Variants in PLEKHD1 observed in about 807,000 individuals in gnomAD.
The protein encoded by PLEKHD1 is pleckstrin homology domain-containing family D member 1.
Under a neutral mutation model 69.2 loss-of-function variants are expected in PLEKHD1, and 51 were observed. The observed-to-expected ratio is 0.74, with a 90% CI of 0.59 to 0.93. PLEKHD1 has a LOEUF of 0.93. Among genes scored for constraint, PLEKHD1 ranks in the 40% least tolerant of loss-of-function variants. The probability of loss-of-function intolerance (pLI) is 0.00; values close to 1 mark genes in which losing one functional copy is unlikely to be tolerated. For synonymous variants in PLEKHD1, 236 were observed against 244.7 expected (o/e 0.96, Z 0.33); for missense variants, 584 against 641.0 (o/e 0.91, Z 0.96).
chr14:69,527,740 G>A (rs1204472429), intron 11 of PLEKHD1, 43 bp from the exon 12 acceptor site: 8 of 1,546,882 alleles, frequency 5.2e-6, no homozygotes, highest in South Asian at 2.4e-5. Context: ...CTGGGGGTAA[G>A]GATGCAGTCG....
At position 69,500,921 on chromosome 14, in the gene PLEKHD1, G is replaced by C. The variant is rs1883011074; in HGVS notation, c.384G>C (p.Leu128=). The change falls in exon 4 of 13, where the codon CTG becomes CTC. Residue 128 remains leucine, a synonymous_variant. Coordinates refer to ENST00000322564, the MANE Select transcript of PLEKHD1 (RefSeq NM_001161498.2). ...CGGAGTTTGAGCAGACCCAGTGGCT[G>C]GAGATGCTGCAGGAGTCTGGGAAGG... ...AESEFEQTQW[L]EMLQESGKVT... 2 of 1,551,498 alleles carry C rather than the reference G, an allele frequency of 1.3e-6. No individual in the cohort carries two copies. The highest frequency in any genetic ancestry group is 2.0e-5 in the Admixed American group (1 of 50,992).
upstream of PLEKHD1, among the ~76,000 whole-genome samples, chr14:69,480,657 T>TTTTTTA (rs1555411470): frequency 6.6e-6 from 1 of 151,674 alleles, no homozygotes; most frequent in Admixed American, 6.6e-5. Context: ...TAAGATTTTT[T>TTTTTTA]TTTTTCTTTT....
intron 6 of PLEKHD1, chr14:69,503,087 G>C: frequency 1.7e-6 from 1 of 580,466 alleles, no homozygotes; most frequent in Non-Finnish European, 3.1e-6. Flanking sequence ...ACCAACCCCT[G>C]GGAGTAAAGT....
chr14:69,487,025 T>A (rs1455332921), intron 1 of PLEKHD1, among the ~76,000 whole-genome samples: 11 of 152,116 alleles, frequency 7.2e-5, no homozygotes. Context: ...AAAAGTCAAG[T>A]CCTTTAGCCT....
chr14:69,496,394 G>A (rs1268841041), intron 1 of PLEKHD1, among the ~76,000 whole-genome samples: 1 of 152,232 alleles, frequency 6.6e-6, no homozygotes, highest in African/African-American at 2.4e-5. Flanking sequence ...CAGTTCTGCA[G>A]GCTGAGAGTC....
chr14:69,500,591 G>C lies in PLEKHD1; in HGVS notation c.258G>C (p.Leu86=), dbSNP rs958976107. The stretch of plus-strand genomic sequence containing the variant: ...TTCTTCCTCAGGGCGTCATCCCTCT[G>C]GGGGGCTGCCTGGTGGAGCCCAAGG... ...FNIHPKGVIP[L]GGCLVEPKEE... is the part of the protein sequence containing the mutation. The change falls in exon 3 of 13, where the codon CTG becomes CTC. Residue 86 remains leucine, a synonymous_variant. Transcript: ENST00000322564. The C allele has an allele frequency of 6.5e-7, 1 of 1,550,122 alleles. No homozygotes were observed.
At chr14:69,468,544 C>CCTTT in the PLEKHD1 span, among the ~76,000 whole-genome samples, 123 of 150,168 alleles carry the variant, frequency 8.2e-4, 1 homozygote, top group Middle Eastern at 6.9e-3. Context: ...TTCCTTCCTT[C>CCTTT]CTTTCTTTCT....
Position 69,502,840 on chromosome 14 carries a change from A to G in PLEKHD1, c.516A>G (p.Glu172=). 1 of 1,551,654 alleles carries G rather than the reference A, an allele frequency of 6.4e-7. No homozygotes were observed. Among genetic ancestry groups the G allele is most frequent in the Non-Finnish European group, 8.7e-7 (1 of 1,146,958 alleles). The change falls in exon 6 of 13, where the codon GAA becomes GAG. Residue 172 remains glutamate (E), a synonymous_variant. Coordinates refer to ENST00000322564, the MANE Select transcript of PLEKHD1 (RefSeq NM_001161498.2). ...TTGTTTTGGCAGACAAACTGATGGA[A>G]GAGACCGAAGAACTCTGCCTTCAGA... ...EKQEYLDKLM[E]ETEELCLQRE...
At chr14:69,501,878 T>A in intron 5 of PLEKHD1, 53 bp downstream of exon 5, 1 of 1,437,920 alleles carries the variant, frequency 7.0e-7, no homozygotes, top group Non-Finnish European at 9.5e-7. Context: ...GACCAGGGGC[T>A]ATAGCCAGGG....
chr14:69,497,871 C>T (rs1007145801), intron 1 of PLEKHD1, among the ~76,000 whole-genome samples: 3 of 151,852 alleles, frequency 2.0e-5, no homozygotes, highest in South Asian at 2.1e-4. Flanking sequence ...GTTATGTGGC[C>T]GGTCAGAGAG....
At position 69,530,497 on chromosome 14, in the gene PLEKHD1, T is replaced by G. The variant is rs1314857435; in HGVS notation, c.*2078T>G. 6.6e-6 allele frequency: 1 copy of G among 152,234 alleles called. No individual in the cohort carries two copies. Among genetic ancestry groups the G allele is most frequent in the Non-Finnish European group, 1.5e-5 (1 of 68,040 alleles). The allele number at this position is 152,234 out of a possible 1,614,324, so 9.4% of individuals were successfully genotyped here. ...AAACCAAGATTACTGTTTCCTTTTT[T>G]TTAAAAGAATTAATCATGGCTTGCT... is the stretch of plus-strand genomic sequence containing the variant. On this transcript the variant is annotated 3_prime_UTR_variant, in exon 13 of 13. Transcript: ENST00000322564.
intron 6 of PLEKHD1, among the ~76,000 whole-genome samples, chr14:69,513,668 C>T (rs1883320971): frequency 1.3e-5 from 2 of 152,162 alleles, no homozygotes; most frequent in African/African-American, 4.8e-5. Flanking sequence ...TTTGCTTTAA[C>T]ACACTTATTC....
chr14:69,498,105 TA>T lies in PLEKHD1; in HGVS notation c.150-2009del, dbSNP rs200909667. ...TATTTTATTTTATTTTATTTTATTT[TA>T]GAGAGTCTTGCTCTGTCACTCAGGT... On this transcript the variant is annotated intron_variant, in intron 1 of 12. Transcript: ENST00000322564. 2.1e-3 allele frequency among the ~76,000 whole-genome samples: 296 copies of T among 139,680 alleles called. 1 individual carries two copies. Among genetic ancestry groups the T allele is most frequent in the African/African-American group, 6.8e-3 (235 of 34,370 alleles). The allele number at this position is 139,680 out of a possible 152,430, so 91.6% of individuals were successfully genotyped here.
the PLEKHD1 span, among the ~76,000 whole-genome samples, chr14:69,468,497 A>G: frequency 6.6e-6 from 1 of 152,226 alleles, no homozygotes; most frequent in South Asian, 2.1e-4. Flanking sequence ...TCTTTTTATT[A>G]TAAGTGCTTT....
In PLEKHD1 at chr14:69,484,818, G is replaced by A; in HGVS notation, c.-148G>A. 1.1e-6 allele frequency: 1 copy of A among 921,954 alleles called. No individual in the cohort carries two copies. The highest frequency in any genetic ancestry group is 1.6e-6 in the Non-Finnish European group (1 of 632,994). The allele number at this position is 921,954 out of a possible 1,614,324, so 57.1% of individuals were successfully genotyped here. ...TGGTGCCGCGTCCAGTGCCCAGCGC[G>A]CTTTGATGCTGCAGCTCCGGGCCGG... On this transcript the variant is annotated 5_prime_UTR_variant, in exon 1 of 13. Transcript: ENST00000322564.
At chr14:69,510,860 T>C (rs900085082) in intron 6 of PLEKHD1, among the ~76,000 whole-genome samples, 14 of 152,238 alleles carry the variant, frequency 9.2e-5, no homozygotes, top group Non-Finnish European at 1.8e-4. Context: ...AGCTTCTAGT[T>C]TCTCACCATT....
At chr14:69,475,894 A>C in the PLEKHD1 span, among the ~76,000 whole-genome samples, 1 of 152,168 alleles carries the variant, frequency 6.6e-6, no homozygotes, top group South Asian at 2.1e-4. Context: ...CCCAAGGCCC[A>C]TCGTGGCCTT....
intron 1 of PLEKHD1, among the ~76,000 whole-genome samples, chr14:69,489,967 A>C (rs147589787): frequency 0.015 from 2,305 of 152,262 alleles, 44 homozygotes; most frequent in South Asian, 0.098. Context: ...CCCAGGTTCA[A>C]GGAATTCTCA....
chr14:69,512,079 T>C lies in PLEKHD1; in HGVS notation c.555+9200T>C, dbSNP rs367866414. Among the ~76,000 whole-genome samples the C allele has an allele frequency of 5.9e-5, 9 of 152,364 alleles. No individual in the cohort carries two copies. The East Asian group carries it at 1.2e-3, about 20-fold the overall frequency. ...ATTGATTCAATTTATTTAATAGATA[T>C]AGGCCTATTCAAATTGTCTGTTTCT... On this transcript the variant is annotated intron_variant, in intron 6 of 12. Transcript: ENST00000322564.
Sources: allele counts gnomAD v4.1 joint callset (sites outside exome capture counted in the v4.1 genomes callset), GRCh38; gene constraint gnomAD v4.1.1; transcripts MANE v1.5; gene names NCBI Gene and HGNC (gene_info 2026-07-23, HGNC 2026-07-21).